Variants in ARMC8 observed in about 807,000 individuals in gnomAD.
ARMC8 encodes the protein armadillo repeat containing 8.
ARMC8 carries 20 observed loss-of-function variants against 99.3 expected under a neutral mutation model. The ratio of observed to expected loss-of-function variants is 0.20; its 90% CI spans 0.14 to 0.29. ARMC8 has a LOEUF of 0.29. Ranked by LOEUF, ARMC8 falls within the 10% of genes least tolerant of loss-of-function variation. ARMC8 has a pLI of 1.00. For missense variants in ARMC8, 569 were observed against 809.5 expected, an observed-to-expected ratio of 0.70 and a Z score of 3.60; for synonymous variants, 263 against 278.3, an observed-to-expected ratio of 0.95 and a Z score of 0.55.
rs2051456660 is a variant in ARMC8 at position 138,296,076 on chromosome 3, T to C, written c.*184T>C. Reference sequence around the variant, plus strand: ...TGAGAACATTTTTTTGAGGTAGTAATTTCCTCAGAAGACTCTTGTGTTTTG... The same window carrying C: ...TGAGAACATTTTTTTGAGGTAGTAACTTCCTCAGAAGACTCTTGTGTTTTG... On this transcript the variant is annotated 3_prime_UTR_variant, in exon 22 of 22. Transcript: ENST00000469044. The C allele has an allele frequency of 1.9e-6, 1 of 532,426 alleles. No homozygotes were observed. Among genetic ancestry groups the C allele is most frequent in the South Asian group, 2.9e-5 (1 of 34,486 alleles). The allele number at this position is 532,426 out of a possible 1,614,324, so 33.0% of individuals were successfully genotyped here.
chr3:138,274,690 A>G (rs2049105486), intron 18 of ARMC8, 146 bp downstream of exon 18: 1 of 636,140 alleles, frequency 1.6e-6, no homozygotes. Flanking sequence ...ATCTTCCACC[A>G]TCCCTTAAAC....
chr3:138,259,299 A>AT (rs1298840788), intron 12 of ARMC8, among the ~76,000 whole-genome samples: 1 of 151,850 alleles, frequency 6.6e-6, no homozygotes, highest in East Asian at 1.9e-4. Flanking sequence ...TGACCTGAAA[A>AT]TTTTTTCTCT....
At chr3:138,216,663 C>T (rs979534254) in intron 2 of ARMC8, among the ~76,000 whole-genome samples, 7 of 152,188 alleles carry the variant, frequency 4.6e-5, no homozygotes, top group African/African-American at 1.7e-4. Flanking sequence ...TCTAGTTACC[C>T]ACAGATATGT....
At chr3:138,204,442 A>G (rs2108003479) in intron 1 of ARMC8, among the ~76,000 whole-genome samples, 1 of 152,344 alleles carries the variant, frequency 6.6e-6, no homozygotes, top group East Asian at 1.9e-4. Context: ...CTTAAAAAAT[A>G]GACTCTCTCC....
chr3:138,239,968 A>G (rs949616132), intron 10 of ARMC8, among the ~76,000 whole-genome samples: 7 of 152,250 alleles, frequency 4.6e-5, no homozygotes, highest in Non-Finnish European at 7.3e-5. Flanking sequence ...TAGATAACAC[A>G]TGAAAACAAG....
intron 11 of ARMC8, among the ~76,000 whole-genome samples, chr3:138,243,979 T>C (rs890757947): frequency 6.6e-6 from 1 of 152,206 alleles, no homozygotes; most frequent in Non-Finnish European, 1.5e-5. Context: ...TGGTAGACTT[T>C]GTATAGTTAC....
At chr3:138,239,571 T>TA (rs1293649535) in intron 10 of ARMC8, 43 bp downstream of exon 10, 6 of 1,322,786 alleles carry the variant, frequency 4.5e-6, no homozygotes, top group Non-Finnish European at 6.4e-6. Context: ...ATTATCCAGT[T>TA]ATGTGTTAAA....
chr3:138,215,841 G>GGTTT (rs1424493775), intron 2 of ARMC8, among the ~76,000 whole-genome samples: 2 of 151,446 alleles, frequency 1.3e-5, no homozygotes, highest in East Asian at 3.9e-4. Flanking sequence ...AACTTTTCAT[G>GGTTT]GTTTATTTAT....
At chr3:138,257,241 T>C (rs1273609577) in intron 12 of ARMC8, among the ~76,000 whole-genome samples, 3 of 152,192 alleles carry the variant, frequency 2.0e-5, no homozygotes, top group Non-Finnish European at 4.4e-5. Flanking sequence ...CATGTACTGT[T>C]GGAGATTTTG....
chr3:138,223,353 T>C (rs1178076102), intron 3 of ARMC8, 36 bp from the exon 4 acceptor site: 3 of 1,605,380 alleles, frequency 1.9e-6, no homozygotes, highest in Non-Finnish European at 2.6e-6. Context: ...GTTTAAATTT[T>C]TTAGTCTCTT....
chr3:138,241,406 T>A (rs1018553492), intron 10 of ARMC8, among the ~76,000 whole-genome samples: 1 of 152,204 alleles, frequency 6.6e-6, no homozygotes, highest in African/African-American at 2.4e-5. Context: ...CTGATTAAAC[T>A]GCTGGGTCTT....
intron 11 of ARMC8, among the ~76,000 whole-genome samples, chr3:138,243,800 A>C (rs146424737): frequency 4.6e-5 from 7 of 152,340 alleles, no homozygotes; most frequent in African/African-American, 1.7e-4. Flanking sequence ...TTTCTAGCTA[A>C]TAATACCAGT....
intron 19 of ARMC8, 40 bp from the exon 20 acceptor site, chr3:138,289,008 A>T (rs771447612): frequency 5.2e-6 from 8 of 1,545,256 alleles, no homozygotes; most frequent in Non-Finnish European, 7.1e-6. Flanking sequence ...AAATGAGATT[A>T]CCACCATTTT....
At chr3:138,271,538 C>G (rs2108299650) in intron 16 of ARMC8, among the ~76,000 whole-genome samples, 1 of 152,286 alleles carries the variant, frequency 6.6e-6, no homozygotes, top group African/African-American at 2.4e-5. Flanking sequence ...CATTTCACTC[C>G]TCAAATCTGT....
At chr3:138,259,820 T>C (rs1265053016) in intron 12 of ARMC8, among the ~76,000 whole-genome samples, 2 of 152,228 alleles carry the variant, frequency 1.3e-5, no homozygotes, top group African/African-American at 4.8e-5. Flanking sequence ...AGCTACACTC[T>C]TAATGTTACA....
intron 2 of ARMC8, among the ~76,000 whole-genome samples, chr3:138,213,277 A>G (rs1221521676): frequency 1.3e-5 from 2 of 152,238 alleles, no homozygotes; most frequent in Non-Finnish European, 2.9e-5. Flanking sequence ...ACAGTGAACC[A>G]TTTTACCTAG....
At chr3:138,257,626 T>C (rs1474945230) in intron 12 of ARMC8, among the ~76,000 whole-genome samples, 1 of 152,132 alleles carries the variant, frequency 6.6e-6, no homozygotes, top group Admixed American at 6.6e-5. Context: ...AGTGTCTTGA[T>C]GGCGCTGACA....
At chr3:138,295,728 C>T in intron 21 of ARMC8, 131 bp from the exon 22 acceptor site, 1 of 933,450 alleles carries the variant, frequency 1.1e-6, no homozygotes, top group Admixed American at 2.3e-5. Flanking sequence ...TAGGTGCCCA[C>T]CTGGGCTCAC....
chr3:138,297,300 CT>C lies in ARMC8; in HGVS notation c.*1410del, dbSNP rs1004028815. 7 of 152,230 alleles carry C rather than the reference CT, an allele frequency of 4.6e-5. No individual in the cohort carries two copies. Among genetic ancestry groups the C allele is most frequent in the African/African-American group, 1.7e-4 (7 of 41,464 alleles). 9.4% of individuals were successfully genotyped at this position (152,230 alleles called of 1,614,324 possible). A position where few individuals can be genotyped will look rare whatever the true frequency, so the allele number is the denominator to read the frequency against. ...CCCCTTAGCTTGGCCCCTGCTCCAA[CT>C]TCTGGGTCAGCAGCAAGGTGAACTC... On this transcript the variant is annotated 3_prime_UTR_variant, in exon 22 of 22. Transcript: ENST00000469044.
Sources: allele counts gnomAD v4.1 joint callset (sites outside exome capture counted in the v4.1 genomes callset), GRCh38; gene constraint gnomAD v4.1.1; transcripts MANE v1.5; gene names NCBI Gene and HGNC (gene_info 2026-07-23, HGNC 2026-07-21).